Variants in AK8 observed in about 807,000 individuals in gnomAD.
The protein encoded by AK8 is adenylate kinase 8, also known as ATP-AMP transphosphorylase 8.
AK8 carries 44 observed loss-of-function variants against 54.6 expected under a neutral mutation model. That is an observed-to-expected ratio of 0.81 (90% CI 0.63 to 1.04). AK8 has a LOEUF of 1.04. Ranked by LOEUF, AK8 falls within the 50% of genes least tolerant of loss-of-function variation. AK8 has a pLI of 0.00. For missense variants in AK8, 555 were observed against 613.6 expected (o/e 0.90, Z 1.01); for synonymous variants, 239 against 245.6 (o/e 0.97, Z 0.25).
chr9:132,797,099 C>T (rs937975386), intron 10 of AK8, among the ~76,000 whole-genome samples: 2 of 152,172 alleles, frequency 1.3e-5, no homozygotes, highest in Non-Finnish European at 2.9e-5. Flanking sequence ...GAAACACAGG[C>T]TCTGCAGCCA....
intron 11 of AK8, among the ~76,000 whole-genome samples, chr9:132,786,214 T>C (rs967380206): frequency 7.0e-4 from 107 of 152,198 alleles, no homozygotes; most frequent in African/African-American, 2.4e-3. Context: ...TTGGTTGAAA[T>C]TTGTTTCAGA....
chr9:132,832,436 C>T (rs748222767), intron 5 of AK8, among the ~76,000 whole-genome samples: 3 of 152,190 alleles, frequency 2.0e-5, no homozygotes, highest in African/African-American at 4.8e-5. Flanking sequence ...TCTGACAGCT[C>T]CCTCACAGTT....
chr9:132,782,842 G>A (rs947232451), intron 11 of AK8, among the ~76,000 whole-genome samples: 3 of 152,200 alleles, frequency 2.0e-5, no homozygotes, highest in Non-Finnish European at 4.4e-5. Context: ...CAGTAAAACA[G>A]GATGCTCAGG....
intron 2 of AK8, among the ~76,000 whole-genome samples, chr9:132,870,136 G>A (rs1010652590): frequency 1.3e-4 from 20 of 152,182 alleles, no homozygotes; most frequent in Non-Finnish European, 2.9e-5. Flanking sequence ...GGCTGCAGGG[G>A]AAACCCTCCC....
intron 3 of AK8, 44 bp from the exon 4 acceptor site, chr9:132,863,822 A>G: frequency 1.4e-6 from 2 of 1,425,644 alleles, no homozygotes; most frequent in Non-Finnish European, 2.0e-6. Flanking sequence ...TAAAAACAAT[A>G]AATACACAAA....
rs187356400 is a variant in AK8, at chr9:132,792,957, G to A, written c.980-182C>T. On this transcript the variant is annotated intron_variant, in intron 10 of 12. Coordinates refer to ENST00000298545, the MANE Select transcript of AK8 (RefSeq NM_152572.3). ...CAGGTCCCTCCTCGGTCCCAGCAAC[G>A]GGGCTGCGTGAGATGGGAAATGCAC... 3.5e-4 allele frequency among the ~76,000 whole-genome samples: 53 copies of A among 152,316 alleles called. No individual in the cohort carries two copies. The East Asian group carries it at 4.8e-3, about 14-fold the overall frequency.
intron 10 of AK8, among the ~76,000 whole-genome samples, chr9:132,793,120 C>T (rs142561916): frequency 4.7e-4 from 72 of 152,292 alleles, no homozygotes; most frequent in African/African-American, 1.6e-3. Context: ...AACTGGGTGT[C>T]TGGGGAGTCT....
chr9:132,750,672 C>T (rs918566216), intron 11 of AK8, among the ~76,000 whole-genome samples: 1 of 151,954 alleles, frequency 6.6e-6, no homozygotes, highest in Non-Finnish European at 1.5e-5. Flanking sequence ...GGACTCCATC[C>T]GGTGAATCCC....
chr9:132,826,710 C>T lies in AK8; in HGVS notation c.757+144G>A, dbSNP rs1410644984. ...CACATGCATTTCTGGGCAGGGAACCCGGGTCATCTATGTCTTGACTTCCAG... is the reference window on the plus strand; with the variant it reads ...CACATGCATTTCTGGGCAGGGAACCTGGGTCATCTATGTCTTGACTTCCAG... On this transcript the variant is annotated intron_variant, in intron 8 of 12. Transcript: ENST00000298545. This position sits in a 1 kb window ranked among gnomAD's most constrained non-coding sequence, Gnocchi z 4.5. 1.1e-5 allele frequency: 11 copies of T among 960,974 alleles called. No homozygotes were observed. Among genetic ancestry groups the T allele is most frequent in the African/African-American group, 3.3e-5 (2 of 61,070 alleles). The allele number at this position is 960,974 out of a possible 1,614,324, so 59.5% of individuals were successfully genotyped here.
chr9:132,828,104 A>G lies in AK8; in HGVS notation c.485-20T>C. On this transcript the variant is annotated intron_variant, in intron 6 of 12. Coordinates refer to ENST00000298545, the MANE Select transcript of AK8 (RefSeq NM_152572.3). ...GCACAACTGGGCAGAGAAGAAAAGGAGCAAAACCAGGCATGTCGGGCAGCG... is the reference window on the plus strand; with the variant it reads ...GCACAACTGGGCAGAGAAGAAAAGGGGCAAAACCAGGCATGTCGGGCAGCG... 6.4e-7 allele frequency: 1 copy of G among 1,561,530 alleles called. No homozygotes were observed. The highest frequency in any genetic ancestry group is 8.7e-7 in the Non-Finnish European group (1 of 1,151,734).
At position 132,826,727 on chromosome 9, in the gene AK8, G is replaced by A. The variant is rs959346471; in HGVS notation, c.757+127C>T. The A allele has an allele frequency of 8.9e-7, 1 of 1,120,354 alleles. No individual in the cohort carries two copies. Among genetic ancestry groups the A allele is most frequent in the Non-Finnish European group, 1.3e-6 (1 of 781,886 alleles). The allele number at this position is 1,120,354 out of a possible 1,614,324, so 69.4% of individuals were successfully genotyped here. ...AGGGAACCCGGGTCATCTATGTCTT[G>A]ACTTCCAGGGTCCCAGGCATGTCCC... On this transcript the variant is annotated intron_variant, in intron 8 of 12. Transcript: ENST00000298545. The surrounding 1 kb of genome is among the most constrained non-coding windows in gnomAD (Gnocchi z 4.5).
chr9:132,865,812 AAAAAAT>A (rs924794011), intron 3 of AK8, among the ~76,000 whole-genome samples: 7 of 151,724 alleles, frequency 4.6e-5, no homozygotes, highest in African/African-American at 7.3e-5. Flanking sequence ...ACTCTGTCTC[AAAAAAT>A]AAAAATAAAA....
intron 11 of AK8, among the ~76,000 whole-genome samples, chr9:132,784,479 A>G (rs964690531): frequency 6.6e-6 from 1 of 152,194 alleles, no homozygotes. Flanking sequence ...AGATTGCGCC[A>G]TTCCGGCCTG....
chr9:132,732,395 A>ATTCAGGATTATATCT (rs879404106), intron 11 of AK8, among the ~76,000 whole-genome samples: 1 of 152,000 alleles, frequency 6.6e-6, no homozygotes, highest in African/African-American at 2.4e-5. Flanking sequence ...CTTCTATGGC[A>ATTCAGGATTATATCT]TTCAGGATTA....
intron 5 of AK8, among the ~76,000 whole-genome samples, chr9:132,835,071 CG>C (rs1842265682): frequency 6.6e-6 from 1 of 152,128 alleles, no homozygotes; most frequent in Non-Finnish European, 1.5e-5. Flanking sequence ...GGGGTTTCCC[CG>C]TGTTAGCCAG....
chr9:132,740,611 G>T (rs1837325100), intron 11 of AK8, among the ~76,000 whole-genome samples: 2 of 152,186 alleles, frequency 1.3e-5, no homozygotes, highest in African/African-American at 4.8e-5. Context: ...TGAGCAGCTG[G>T]AATGGGTGGG....
intron 11 of AK8, among the ~76,000 whole-genome samples, chr9:132,755,078 C>G (rs1379015134): frequency 6.6e-6 from 1 of 152,244 alleles, no homozygotes. Flanking sequence ...GGATTACAGG[C>G]ATGAGCCACC....
At chr9:132,794,479 C>T (rs1273239010) in intron 10 of AK8, among the ~76,000 whole-genome samples, 1 of 152,202 alleles carries the variant, frequency 6.6e-6, no homozygotes, top group East Asian at 1.9e-4. Context: ...TGTTCCCTCC[C>T]CAGGGAAGTC....
intron 10 of AK8, among the ~76,000 whole-genome samples, chr9:132,814,004 G>A (rs1340286151): frequency 6.6e-6 from 1 of 151,842 alleles, no homozygotes; most frequent in Admixed American, 6.6e-5. Context: ...GGGGCAGGAA[G>A]TGGTGGCTTA....
Sources: allele counts gnomAD v4.1 joint callset (sites outside exome capture counted in the v4.1 genomes callset), GRCh38; gene constraint gnomAD v4.1.1; non-coding constraint Gnocchi (gnomAD v3.1); transcripts MANE v1.5; gene names NCBI Gene and HGNC (gene_info 2026-07-23, HGNC 2026-07-21).